COL25A1: variants seen among roughly 807,000 people sequenced by gnomAD.
The protein encoded by COL25A1 is collagen alpha-1(XXV) chain.
Under a neutral mutation model 128.4 loss-of-function variants are expected in COL25A1, and 103 were observed. That is an observed-to-expected ratio of 0.80 (90% CI 0.68 to 0.94). The LOEUF (loss-of-function observed/expected upper bound fraction) is 0.94. COL25A1 is among the 40% of genes least tolerant of loss of function. The probability of loss-of-function intolerance (pLI) is 0.00; values close to 1 mark genes in which losing one functional copy is unlikely to be tolerated. For synonymous variants in COL25A1, 279 were observed against 277.2 expected (o/e 1.01, Z -0.06); for missense variants, 745 against 840.0 (o/e 0.89, Z 1.40).
At chr4:108,954,143 G>T (rs1211266349) in intron 8 of COL25A1, among the ~76,000 whole-genome samples, 1 of 152,104 alleles carries the variant, frequency 6.6e-6, no homozygotes, top group African/African-American at 2.4e-5. Flanking sequence ...CCCATGATTT[G>T]CTGTTAATGA....
chr4:108,915,670 C>T (rs962678202), intron 13 of COL25A1, among the ~76,000 whole-genome samples: 1 of 152,220 alleles, frequency 6.6e-6, no homozygotes, highest in East Asian at 1.9e-4. Flanking sequence ...TCTGCCTGAG[C>T]GCCCCCACCC....
At chr4:109,106,413 C>T (rs993596392) in intron 3 of COL25A1, among the ~76,000 whole-genome samples, 3 of 152,142 alleles carry the variant, frequency 2.0e-5, no homozygotes, top group Non-Finnish European at 4.4e-5. Flanking sequence ...GTTTGCCCCT[C>T]TCTCCCCAAC....
At chr4:109,010,832 A>T (rs1756514007) in intron 5 of COL25A1, among the ~76,000 whole-genome samples, 1 of 152,204 alleles carries the variant, frequency 6.6e-6, no homozygotes, top group Non-Finnish European at 1.5e-5. Flanking sequence ...TTAGTGTTAG[A>T]GCTCATCAAG....
intron 3 of COL25A1, among the ~76,000 whole-genome samples, chr4:109,096,882 T>C (rs1297447358): frequency 6.6e-6 from 1 of 152,212 alleles, no homozygotes; most frequent in African/African-American, 2.4e-5. Flanking sequence ...GTTATAGATT[T>C]AATTGGCTTT....
At chr4:109,089,770 T>C (rs1219708003) in intron 3 of COL25A1, among the ~76,000 whole-genome samples, 1 of 152,144 alleles carries the variant, frequency 6.6e-6, no homozygotes, top group Non-Finnish European at 1.5e-5. Flanking sequence ...CATGCCTGGC[T>C]AATTTTTATA....
At chr4:108,978,288 G>C (rs983746765) in intron 6 of COL25A1, among the ~76,000 whole-genome samples, 2 of 152,208 alleles carry the variant, frequency 1.3e-5, no homozygotes, top group African/African-American at 4.8e-5. Flanking sequence ...CTCCGGCCCC[G>C]ACTTGTGCAC....
At chr4:109,049,962 AAGG>A (rs1760830799) in intron 4 of COL25A1, among the ~76,000 whole-genome samples, 170 bp downstream of exon 4, 1 of 152,242 alleles carries the variant, frequency 6.6e-6, no homozygotes. Context: ...TAATAGAAAT[AAGG>A]AGAAGATTAA....
chr4:109,048,227 T>C (rs370685141), intron 4 of COL25A1, 52 bp from the exon 5 acceptor site: 15 of 1,537,710 alleles, frequency 9.8e-6, no homozygotes, highest in Non-Finnish European at 1.1e-5. Flanking sequence ...TTAGTGAATA[T>C]GCAAAATATT....
At chr4:108,891,716 T>C (rs968071949) in intron 16 of COL25A1, among the ~76,000 whole-genome samples, 3 of 151,958 alleles carry the variant, frequency 2.0e-5, no homozygotes, top group Admixed American at 6.6e-5. Context: ...TTTAGGTTTT[T>C]TTTTTTTAAT....
At chr4:108,891,710 G>GT (rs1302067368) in intron 16 of COL25A1, among the ~76,000 whole-genome samples, 6 of 150,046 alleles carry the variant, frequency 4.0e-5, no homozygotes, top group African/African-American at 1.5e-4. Context: ...CCGTGTTTTA[G>GT]GTTTTTTTTT....
chr4:109,172,113 G>T (rs1057474731), intron 3 of COL25A1, among the ~76,000 whole-genome samples: 1 of 152,128 alleles, frequency 6.6e-6, no homozygotes, highest in Non-Finnish European at 1.5e-5. Context: ...GGAGCAGTTT[G>T]CTTACTGAGC....
At chr4:109,215,569 T>C (rs1386901447) in intron 3 of COL25A1, among the ~76,000 whole-genome samples, 5 of 151,348 alleles carry the variant, frequency 3.3e-5, no homozygotes, top group South Asian at 2.1e-4. Context: ...AATTAGACTA[T>C]ATTCTGTTAT....
intron 3 of COL25A1, among the ~76,000 whole-genome samples, chr4:109,108,377 T>C (rs1375727493): frequency 6.6e-6 from 1 of 152,120 alleles, no homozygotes; most frequent in Admixed American, 6.5e-5. Context: ...TTTTTATGGC[T>C]GCATAGTATT....
chr4:108,993,088 T>C (rs539439991), intron 6 of COL25A1, among the ~76,000 whole-genome samples: 3 of 152,328 alleles, frequency 2.0e-5, no homozygotes, highest in East Asian at 3.9e-4. Context: ...AGTATATTGT[T>C]ATTAACTGTA....
intron 6 of COL25A1, among the ~76,000 whole-genome samples, chr4:108,984,538 C>G (rs368233305): frequency 1.3e-5 from 2 of 152,196 alleles, no homozygotes; most frequent in Admixed American, 6.5e-5. Context: ...AGCCCTGCCC[C>G]GCGGGAAGGC....
At chr4:109,058,630 T>A (rs1761664704) in intron 3 of COL25A1, among the ~76,000 whole-genome samples, 1 of 152,218 alleles carries the variant, frequency 6.6e-6, no homozygotes, top group African/African-American at 2.4e-5. Context: ...TGAAATAATC[T>A]TCATGGAAAA....
At chr4:109,019,647 C>T (rs958019402) in intron 5 of COL25A1, among the ~76,000 whole-genome samples, 5 of 149,326 alleles carry the variant, frequency 3.3e-5, no homozygotes, top group African/African-American at 1.2e-4. Context: ...GAGAACAGCA[C>T]TAGGGAAACT....
intron 3 of COL25A1, among the ~76,000 whole-genome samples, chr4:109,195,000 G>T (rs1393480803): frequency 6.6e-6 from 1 of 152,150 alleles, no homozygotes; most frequent in South Asian, 2.1e-4. Flanking sequence ...ATAAGTGCTT[G>T]AGGGGATAGA....
At chr4:109,112,161 A>C (rs1426668878) in intron 3 of COL25A1, among the ~76,000 whole-genome samples, 1 of 152,120 alleles carries the variant, frequency 6.6e-6, no homozygotes. Flanking sequence ...TTCCCCTGCT[A>C]TATGTTCATT....
Sources: allele counts gnomAD v4.1 joint callset (sites outside exome capture counted in the v4.1 genomes callset), GRCh38; gene constraint gnomAD v4.1.1; transcripts MANE v1.5; gene names NCBI Gene and HGNC (gene_info 2026-07-23, HGNC 2026-07-21).